The following LRRTM4 variants were observed in gnomAD, a reference collection of about 807,000 sequenced individuals.
LRRTM4 encodes leucine-rich repeat transmembrane neuronal protein 4.
In LRRTM4, 25 loss-of-function variants were observed where a neutral mutation model predicts 47.6. That is an observed-to-expected ratio of 0.53 (90% confidence interval 0.38 to 0.73). LRRTM4 has a LOEUF of 0.73. Among genes scored for constraint, LRRTM4 ranks in the 30% least tolerant of loss-of-function variants. The pLI is 0.00. For missense variants in LRRTM4, 638 were observed against 713.4 expected (o/e 0.89, Z 1.20); for synonymous variants, 311 against 269.5 (o/e 1.15, Z -1.51).
In LRRTM4 at chr2:76,773,864, T is replaced by G. The variant is rs1295727206; in HGVS notation, c.1552-24948A>C. Among the ~76,000 whole-genome samples, 21 of 152,036 alleles carry G rather than the reference T, an allele frequency of 1.4e-4. No individual in the cohort carries two copies. The East Asian group carries it at 4.1e-3, about 29-fold the overall frequency. On this transcript the variant is annotated intron_variant, in intron 3 of 3. Transcript: ENST00000409884. ...AATAATGGTAGCAGAGGTTTGATCC[T>G]GGAATCAATAAATTTTATTTACCTG... is the stretch of plus-strand genomic sequence containing the variant.
chr2:76,902,443 G>A (rs970612873), intron 3 of LRRTM4, among the ~76,000 whole-genome samples: 2 of 152,182 alleles, frequency 1.3e-5, no homozygotes, highest in African/African-American at 2.4e-5. Flanking sequence ...GCAAAAGTTT[G>A]TGTGTCAGGC....
intron 3 of LRRTM4, among the ~76,000 whole-genome samples, chr2:77,271,875 C>A (rs1380863748): frequency 6.6e-6 from 1 of 152,188 alleles, no homozygotes; most frequent in Non-Finnish European, 1.5e-5. Flanking sequence ...CACCATGTGT[C>A]ATGCGTACTC....
chr2:76,861,771 G>A (rs780793817), intron 3 of LRRTM4, among the ~76,000 whole-genome samples: 4 of 152,112 alleles, frequency 2.6e-5, no homozygotes, highest in East Asian at 1.9e-4. Context: ...ATTGGAGCAC[G>A]GCATGAGGAT....
intron 3 of LRRTM4, among the ~76,000 whole-genome samples, chr2:76,940,183 T>C (rs772947380): frequency 2.0e-5 from 3 of 152,114 alleles, no homozygotes; most frequent in Non-Finnish European, 4.4e-5. Flanking sequence ...AAAAGACACA[T>C]ACATATGTAT....
chr2:76,901,726 C>T (rs1296456571), intron 3 of LRRTM4, among the ~76,000 whole-genome samples: 2 of 152,222 alleles, frequency 1.3e-5, no homozygotes, highest in South Asian at 2.1e-4. Context: ...TTTGAGTACC[C>T]TTTTACTATC....
chr2:76,836,156 C>G (rs1480743755), intron 3 of LRRTM4, among the ~76,000 whole-genome samples: 1 of 28,078 alleles, frequency 3.6e-5, no homozygotes, highest in South Asian at 9.7e-4. Flanking sequence ...TTATAGTATG[C>G]GGTAAAAAAA....
intron 3 of LRRTM4, among the ~76,000 whole-genome samples, chr2:76,780,813 C>T (rs1205835990): frequency 1.3e-5 from 2 of 152,022 alleles, no homozygotes; most frequent in Admixed American, 1.3e-4. Context: ...GAACTGCGTT[C>T]CTTTGGAGGA....
In LRRTM4 at chr2:76,748,761, G is replaced by C. The variant is rs1329052012; in HGVS notation, c.1707C>G (p.His569Gln). 1.2e-6 allele frequency: 2 copies of C among 1,613,844 alleles called. No individual in the cohort carries two copies. Among genetic ancestry groups the C allele is most frequent in the Non-Finnish European group, 1.7e-6 (2 of 1,179,902 alleles). Reference sequence around the variant, plus strand: ...ACCTGGCGATGGTGGCGATGAAGCTGTGGTCTCGGCCCAGCTCCAGGCCGG... The same window carrying C: ...ACCTGGCGATGGTGGCGATGAAGCTCTGGTCTCGGCCCAGCTCCAGGCCGG... The part of the protein sequence containing the change: ...ESPGLELGRD[H>Q]SFIATIARSA... The change falls in exon 4 of 4, where the codon CAC (histidine) becomes CAG (glutamine). Residue 569 changes from histidine to glutamine, a missense_variant. Coordinates refer to ENST00000409884, the MANE Select transcript of LRRTM4 (RefSeq NM_001134745.3).
At chr2:77,356,629 C>T (rs779901441) in intron 3 of LRRTM4, among the ~76,000 whole-genome samples, 11 of 152,102 alleles carry the variant, frequency 7.2e-5, no homozygotes, top group Non-Finnish European at 1.3e-4. Context: ...GTGTCTGTAG[C>T]GCCTATGCTA....
intron 3 of LRRTM4, among the ~76,000 whole-genome samples, chr2:76,763,961 C>T (rs1429285562): frequency 3.3e-5 from 5 of 152,112 alleles, no homozygotes; most frequent in Admixed American, 6.6e-5. Context: ...TGATAAAGGT[C>T]ATTCTGGTCA....
At chr2:76,948,944 TG>T (rs1294807464) in intron 3 of LRRTM4, among the ~76,000 whole-genome samples, 1 of 151,890 alleles carries the variant, frequency 6.6e-6, no homozygotes, top group Non-Finnish European at 1.5e-5. Context: ...TAAAGCTATA[TG>T]TGTGATTTGG....
At chr2:76,867,664 G>T (rs721390) in intron 3 of LRRTM4, among the ~76,000 whole-genome samples, 39,717 of 152,076 alleles carry the variant, frequency 0.26, 6,174 homozygotes, top group East Asian at 0.58. Context: ...CTCCATCACT[G>T]TGAATACATT....
chr2:77,029,052 A>AAATATAT (rs1277940864), intron 3 of LRRTM4, among the ~76,000 whole-genome samples: 1 of 140,642 alleles, frequency 7.1e-6, no homozygotes, highest in Non-Finnish European at 1.5e-5. Flanking sequence ...CACACACACA[A>AAATATAT]ATATATATAT....
intron 3 of LRRTM4, among the ~76,000 whole-genome samples, chr2:76,799,691 A>G (rs1675550761): frequency 1.5e-5 from 2 of 132,420 alleles, no homozygotes; most frequent in Non-Finnish European, 3.2e-5. Context: ...ATGATTGTAT[A>G]TCTAGAAAAC....
At chr2:76,807,472 A>ACGTG (rs1491142074) in intron 3 of LRRTM4, among the ~76,000 whole-genome samples, 2 of 67,670 alleles carry the variant, frequency 3.0e-5, no homozygotes, top group Non-Finnish European at 4.7e-5. Flanking sequence ...ATATATATAC[A>ACGTG]TATATATATA....
intron 3 of LRRTM4, among the ~76,000 whole-genome samples, chr2:76,838,375 G>C (rs1044236292): frequency 6.6e-6 from 1 of 152,028 alleles, no homozygotes; most frequent in African/African-American, 2.4e-5. Flanking sequence ...CTTCTTGCAA[G>C]AAGTTTAATG....
At position 77,024,447 on chromosome 2, in the gene LRRTM4, G is replaced by T. The variant is rs542249704; in HGVS notation, c.1552-275531C>A. On this transcript the variant is annotated intron_variant, in intron 3 of 3. Coordinates refer to ENST00000409884, the MANE Select transcript of LRRTM4 (RefSeq NM_001134745.3). ...TGTATTATGGCTGAATAATATTCCAGCATCCTACCTCACACATGCATGTCA... is the reference window on the plus strand; with the variant it reads ...TGTATTATGGCTGAATAATATTCCATCATCCTACCTCACACATGCATGTCA... 2.9e-4 allele frequency among the ~76,000 whole-genome samples: 44 copies of T among 149,208 alleles called. No individual in the cohort carries two copies. The South Asian group carries it at 8.9e-3, about 30-fold the overall frequency.
At chr2:77,521,945 G>T in intron 1 of LRRTM4, 127 bp from the exon 2 acceptor site, 1 of 571,068 alleles carries the variant, frequency 1.8e-6, no homozygotes, top group South Asian at 2.4e-5. Flanking sequence ...AGCCGTTGGG[G>T]GGATAGGGAT....
At chr2:77,224,471 G>T (rs1279069615) in intron 3 of LRRTM4, among the ~76,000 whole-genome samples, 2 of 151,936 alleles carry the variant, frequency 1.3e-5, no homozygotes, top group Non-Finnish European at 2.9e-5. Context: ...TCTGACAAAG[G>T]GCTAATATCC....
Sources: gnomAD v4.1 joint callset for allele counts (sites outside exome capture counted in the v4.1 genomes callset) on GRCh38, gnomAD v4.1.1 for gene constraint, MANE v1.5 for transcripts, NCBI Gene and HGNC (gene_info 2026-07-23, HGNC 2026-07-21) for gene names.